Variants in PDE6A observed in about 807,000 individuals in gnomAD.
PDE6A encodes rod cGMP-specific 3',5'-cyclic phosphodiesterase subunit alpha.
In PDE6A, 84 loss-of-function variants were observed where a neutral mutation model predicts 106.3. The ratio of observed to expected loss-of-function variants is 0.79; its 90% CI spans 0.66 to 0.95. PDE6A has a LOEUF of 0.95. Among genes scored for constraint, PDE6A ranks in the 40% least tolerant of loss-of-function variants. The pLI is 0.00. For synonymous variants in PDE6A, 394 were observed against 386.6 expected (o/e 1.02, Z -0.23); for missense variants, 1,052 against 1,084.9 (o/e 0.97, Z 0.43).
At chr5:149,886,237 T>G (rs374867097) in intron 14 of PDE6A, 28 bp downstream of exon 14, 6 of 1,466,530 alleles carry the variant, frequency 4.1e-6, no homozygotes, top group African/African-American at 2.8e-5. Context: ...ATCCGGAGGG[T>G]TGGGTGTGGG....
rs1225280637 is a variant in PDE6A, at chr5:149,898,293, G to T, written c.1407+70C>A. 3.4e-6 allele frequency: 5 copies of T among 1,465,300 alleles called. No individual in the cohort carries two copies. The African/African-American group carries it at 5.5e-5, about 16-fold the overall frequency. 90.8% of individuals were successfully genotyped at this position (1,465,300 alleles called of 1,614,324 possible). ...GTGCCCTCATGGAGTTGCAAGTTTTGCCTTAATCTGGCCACATCTCTGAGA... is the reference window on the plus strand; with the variant it reads ...GTGCCCTCATGGAGTTGCAAGTTTTTCCTTAATCTGGCCACATCTCTGAGA... On this transcript the variant is annotated intron_variant, in intron 10 of 21. Coordinates refer to ENST00000255266, the MANE Select transcript of PDE6A (RefSeq NM_000440.3).
In PDE6A at chr5:149,907,187, G is replaced by C. The variant is rs913183524; in HGVS notation, c.1065+125C>G. On this transcript the variant is annotated intron_variant, in intron 7 of 21. Coordinates refer to ENST00000255266, the MANE Select transcript of PDE6A (RefSeq NM_000440.3). ...TTGCCAACTGAATTGAGAGAAACAAGAGAATTAGGCTTTTAGAGATCCACA... is the reference window on the plus strand; with the variant it reads ...TTGCCAACTGAATTGAGAGAAACAACAGAATTAGGCTTTTAGAGATCCACA... 7 of 801,524 alleles carry C rather than the reference G, an allele frequency of 8.7e-6. No homozygotes were observed. In the South Asian group the frequency reaches 9.5e-5, roughly 11 times the overall value. 49.7% of individuals were successfully genotyped at this position (801,524 alleles called of 1,614,324 possible). A position where few individuals can be genotyped will look rare whatever the true frequency, so the allele number is the denominator to read the frequency against.
rs1752698120 is a variant in PDE6A at position 149,895,289 on chromosome 5, G to A, written c.1622C>T (p.Ala541Val). The A allele has an allele frequency of 6.9e-6, 11 of 1,604,876 alleles. No homozygotes were observed. In the East Asian group the frequency reaches 2.5e-4, roughly 36 times the overall value. ...VVDKFHIPQE[A>V]LVRFMYSLSK... ...CAGGGAGTACATGAACCGCACCAGG[G>A]CCTGTGAACACATGCACATCAGTGA... Residue 541 changes from alanine (A) to valine (V), a missense_variant and splice_region_variant, in exon 13 of 22, where the codon GCC becomes GTC. Transcript: ENST00000255266.
intron 7 of PDE6A, among the ~76,000 whole-genome samples, chr5:149,906,409 A>T (rs572764103): frequency 3.6e-4 from 54 of 150,260 alleles, no homozygotes; most frequent in African/African-American, 1.3e-3. Context: ...GCCTGTAATC[A>T]CAGCTATTCG....
At chr5:149,868,437 A>C (rs564273837) in intron 17 of PDE6A, among the ~76,000 whole-genome samples, 2 of 152,370 alleles carry the variant, frequency 1.3e-5, no homozygotes, top group South Asian at 4.1e-4. Flanking sequence ...CCTTACTCAC[A>C]AAACAGGTAT....
Position 149,923,557 on chromosome 5 carries a change from ACATAACATAACATAACAT to A in PDE6A, c.859-1866_859-1849del, listed in dbSNP as rs1175797893. Among the ~76,000 whole-genome samples, 461 of 103,682 alleles carry A rather than the reference ACATAACATAACATAACAT, an allele frequency of 4.4e-3. 4 individuals carry two copies. The highest frequency in any genetic ancestry group is 0.024 in the African/African-American group (429 of 17,972). 68.0% of individuals were successfully genotyped at this position (103,682 alleles called of 152,430 possible). A position where few individuals can be genotyped will look rare whatever the true frequency, so the allele number is the denominator to read the frequency against. Reference sequence around the variant, plus strand: ...ACATAACATAACATAACATAACATAACATAACATAACATAACATAACAAACAACAACACTAAATAAAAG... The same window carrying A: ...ACATAACATAACATAACATAACATAAAACAAACAACAACACTAAATAAAAG... On this transcript the variant is annotated intron_variant, in intron 4 of 21. Coordinates refer to ENST00000255266, the MANE Select transcript of PDE6A (RefSeq NM_000440.3).
intron 6 of PDE6A, among the ~76,000 whole-genome samples, chr5:149,911,693 T>A (rs75533473): frequency 0.023 from 3,531 of 152,196 alleles, 122 homozygotes; most frequent in African/African-American, 0.079. Flanking sequence ...GAACATCTAG[T>A]TGATTTATAT....
chr5:149,916,581 A>G (rs1365046787), intron 5 of PDE6A, among the ~76,000 whole-genome samples: 1 of 152,108 alleles, frequency 6.6e-6, no homozygotes, highest in Non-Finnish European at 1.5e-5. Flanking sequence ...CCATTCTCTT[A>G]AAGCAGAGCT....
intron 6 of PDE6A, among the ~76,000 whole-genome samples, chr5:149,911,025 G>A (rs1753367449): frequency 6.6e-6 from 1 of 151,756 alleles, no homozygotes. Context: ...GACCACAGGT[G>A]TGCACCACCA....
intron 10 of PDE6A, among the ~76,000 whole-genome samples, chr5:149,897,018 A>G (rs1454900968): frequency 6.6e-6 from 1 of 152,208 alleles, no homozygotes; most frequent in African/African-American, 2.4e-5. Context: ...CAGTTTCCTC[A>G]TCTGTAAGTT....
rs58538967 is a variant in PDE6A at position 149,929,479 on chromosome 5, C to T, written c.858+1549G>A. The stretch of plus-strand genomic sequence containing the variant: ...AAAATTAGCCAGGCATGGTGGTGGG[C>T]GCCTGTAGTCCCAGCTACTCGGGAG... On this transcript the variant is annotated intron_variant, in intron 4 of 21. Transcript: ENST00000255266. Among the ~76,000 whole-genome samples, 232 of 152,158 alleles carry T rather than the reference C, an allele frequency of 1.5e-3. 1 individual carries two copies. The highest frequency in any genetic ancestry group is 5.4e-3 in the African/African-American group (224 of 41,516).
At chr5:149,870,851 AAGAAAGAAAGAGAAAG>A (rs1177039865) in intron 17 of PDE6A, among the ~76,000 whole-genome samples, 6 of 148,426 alleles carry the variant, frequency 4.0e-5, no homozygotes, top group African/African-American at 1.0e-4. Flanking sequence ...AAAAAAGAAG[AAGAAAGAAAGAGAAAG>A]AGAAAGAAAG....
chr5:149,889,587 C>G (rs760052485), intron 13 of PDE6A, among the ~76,000 whole-genome samples: 7 of 152,042 alleles, frequency 4.6e-5, no homozygotes, highest in Non-Finnish European at 1.0e-4. Flanking sequence ...GGACTACTGG[C>G]GCATGCCACC....
chr5:149,864,908 C>T (rs1379360098), intron 20 of PDE6A, among the ~76,000 whole-genome samples: 6 of 152,144 alleles, frequency 3.9e-5, no homozygotes, highest in Non-Finnish European at 1.5e-5. Context: ...AGCACTTAGC[C>T]CAGTCTCCCT....
chr5:149,872,755 A>G (rs1313508041), intron 17 of PDE6A, among the ~76,000 whole-genome samples: 2 of 152,226 alleles, frequency 1.3e-5, no homozygotes, highest in Non-Finnish European at 2.9e-5. Flanking sequence ...GGTGTGGCTG[A>G]GTCCAAGTCC....
At chr5:149,920,942 A>AAAAG (rs3049632) in intron 5 of PDE6A, among the ~76,000 whole-genome samples, 17,341 of 108,164 alleles carry the variant, frequency 0.16, 1,517 homozygotes, top group Non-Finnish European at 0.19. Flanking sequence ...GAAAGAGAGA[A>AAAAG]AAAGAAAGAA....
intron 1 of PDE6A, among the ~76,000 whole-genome samples, chr5:149,942,829 G>A (rs906991402): frequency 1.2e-4 from 18 of 151,906 alleles, no homozygotes; most frequent in African/African-American, 3.6e-4. Flanking sequence ...CTTTACACAA[G>A]CATCTCAGTG....
At chr5:149,909,490 G>C (rs1200627826) in intron 6 of PDE6A, among the ~76,000 whole-genome samples, 2 of 152,150 alleles carry the variant, frequency 1.3e-5, no homozygotes, top group Admixed American at 6.5e-5. Context: ...AGTGGTAGTA[G>C]CTCCCCCACT....
At chr5:149,871,639 T>C (rs949098633) in intron 17 of PDE6A, among the ~76,000 whole-genome samples, 2 of 151,788 alleles carry the variant, frequency 1.3e-5, no homozygotes, top group African/African-American at 4.8e-5. Context: ...TAAGAGAAGC[T>C]CCACAGAGGA....
Sources: allele counts gnomAD v4.1 joint callset (sites outside exome capture counted in the v4.1 genomes callset), GRCh38; gene constraint gnomAD v4.1.1; transcripts MANE v1.5; gene names NCBI Gene and HGNC (gene_info 2026-07-23, HGNC 2026-07-21).